Variants in OLFM1 observed in about 807,000 individuals in gnomAD.
The protein encoded by OLFM1 is olfactomedin 1, also known as noelin.
Under a neutral mutation model 49.7 loss-of-function variants are expected in OLFM1, and 9 were observed. That is an observed-to-expected ratio of 0.18 (90% CI 0.11 to 0.32). The LOEUF is 0.32. OLFM1 is among the 10% of genes least tolerant of loss of function. OLFM1 has a pLI of 1.00. For missense variants in OLFM1, 369 were observed against 661.8 expected, an observed-to-expected ratio of 0.56 and a Z score of 4.85; for synonymous variants, 240 against 271.8, an observed-to-expected ratio of 0.88 and a Z score of 1.15.
At chr9:135,102,762 C>T (rs1373990992) in intron 4 of OLFM1, among the ~76,000 whole-genome samples, 3 of 152,206 alleles carry the variant, frequency 2.0e-5, no homozygotes, top group Non-Finnish European at 4.4e-5. Flanking sequence ...GAGGTAAAAG[C>T]TGTGACCAAG....
chr9:135,115,281 AT>A (rs1831082127), intron 5 of OLFM1, among the ~76,000 whole-genome samples: 1 of 152,154 alleles, frequency 6.6e-6, no homozygotes, highest in Non-Finnish European at 1.5e-5. Flanking sequence ...CCACGTCCAC[AT>A]CCAGGTTGCA....
intron 2 of OLFM1, among the ~76,000 whole-genome samples, chr9:135,095,530 A>G (rs72760805): frequency 1.7e-4 from 23 of 137,280 alleles, no homozygotes; most frequent in East Asian, 8.3e-4. Flanking sequence ...AAAAAAAAAA[A>G]AGAGAGAGAG....
intron 2 of OLFM1, among the ~76,000 whole-genome samples, chr9:135,092,086 C>T (rs1293364949): frequency 3.9e-5 from 6 of 152,212 alleles, no homozygotes; most frequent in African/African-American, 1.4e-4. Context: ...ATGGTGCTGT[C>T]ACTGCCCACC....
chr9:135,087,600 G>T (rs1198834957), upstream of OLFM1: 2 of 836,352 alleles, frequency 2.4e-6, no homozygotes, highest in Non-Finnish European at 3.3e-6. Context: ...TGGGCGGATT[G>T]CGTCGGTCCC....
At position 135,119,882 on chromosome 9, in the gene OLFM1, C is replaced by A. The variant is rs780297390; in HGVS notation, c.1162C>A (p.Gln388Lys). The change falls in exon 6 of 6, where the codon CAG (glutamine) becomes AAG (lysine). Residue 388 changes from glutamine to lysine, a missense_variant. Coordinates refer to ENST00000371793, the MANE Select transcript of OLFM1 (RefSeq NM_001282611.2). Reference sequence around the variant, plus strand: ...CAGTAGGCTGGACCCCGTGTCCCTGCAGACCCTGCAGACCTGGAACACGAG... The same window carrying A: ...CAGTAGGCTGGACCCCGTGTCCCTGAAGACCCTGCAGACCTGGAACACGAG... ...VVSRLDPVSL[Q>K]TLQTWNTSYP... 1.2e-6 allele frequency: 2 copies of A among 1,613,438 alleles called. No individual in the cohort carries two copies. Among genetic ancestry groups the A allele is most frequent in the African/African-American group, 1.3e-5 (1 of 74,926 alleles).
chr9:135,104,750 G>A (rs12004170), intron 4 of OLFM1, among the ~76,000 whole-genome samples: 2,200 of 152,248 alleles, frequency 0.014, 50 homozygotes, highest in African/African-American at 0.05. Context: ...TGTCTCCCCC[G>A]AAGCCCAGGG....
intron 5 of OLFM1, among the ~76,000 whole-genome samples, chr9:135,108,117 G>A (rs1250040588): frequency 1.3e-5 from 2 of 152,170 alleles, no homozygotes; most frequent in African/African-American, 4.8e-5. Flanking sequence ...ATTGGTGTTG[G>A]GTGTTTGTCA....
In OLFM1 at chr9:135,082,080, TTAG is replaced by T. The variant is rs1279600811; in HGVS notation, c.96+6279_96+6281del. Among the ~76,000 whole-genome samples, 4 of 152,242 alleles carry T rather than the reference TTAG, an allele frequency of 2.6e-5. No individual in the cohort carries two copies. The East Asian group carries it at 7.7e-4, about 29-fold the overall frequency. Reference sequence around the variant, plus strand: ...CCAGCTGGTGATGGCAGCTGCAGTGTTAGCAGACCTGCTCGCCCCAAAAGGACA... The same window carrying T: ...CCAGCTGGTGATGGCAGCTGCAGTGTCAGACCTGCTCGCCCCAAAAGGACA... On this transcript the variant is annotated intron_variant, in intron 1 of 5. Transcript: ENST00000252854.
chr9:135,075,899 C>T, intron 1 of OLFM1: 1 of 1,426,604 alleles, frequency 7.0e-7, no homozygotes, highest in Non-Finnish European at 9.2e-7. Context: ...CTCCGCGCCG[C>T]CCCGCGCCCC....
upstream of OLFM1, chr9:135,086,450 C>A: frequency 2.7e-6 from 1 of 370,024 alleles, no homozygotes; most frequent in African/African-American, 2.1e-5. Context: ...AGGCGTTGTT[C>A]CTCTCAGGCG....
intron 1 of OLFM1, chr9:135,075,903 G>T: frequency 7.1e-7 from 1 of 1,418,058 alleles, no homozygotes; most frequent in Non-Finnish European, 9.3e-7. Flanking sequence ...GCGCCGCCCC[G>T]CGCCCCCGGC....
Position 135,088,023 on chromosome 9 carries a change from C to G in OLFM1, c.34C>G (p.Leu12Val). Residue 12 changes from leucine to valine, a missense_variant, in exon 1 of 6, where the codon CTG becomes GTG. Physicochemically the swap from Leu to Val is conservative, Grantham distance 32. Transcript: ENST00000371793. The surrounding 1 kb of genome is among the most constrained non-coding windows in gnomAD (Gnocchi z 4.8). ...SVPLLKIGVVLSTMAMITNWM... is the reference protein window; with the variant it reads ...SVPLLKIGVVVSTMAMITNWM... ...GCCGCTGCTCAAGATCGGGGTCGTG[C>G]TGAGCACCATGGCCATGATCACTAA... The G allele has an allele frequency of 6.9e-7, 1 of 1,459,816 alleles. No individual in the cohort carries two copies. The highest frequency in any genetic ancestry group is 9.1e-7 in the Non-Finnish European group (1 of 1,096,846). 90.4% of individuals were successfully genotyped at this position (1,459,816 alleles called of 1,614,324 possible).
At position 135,098,020 on chromosome 9, in the gene OLFM1, G is replaced by T; in HGVS notation, c.457-266G>T. The T allele has an allele frequency of 7.7e-7, 1 of 1,293,660 alleles. No individual in the cohort carries two copies. 80.1% of individuals were successfully genotyped at this position (1,293,660 alleles called of 1,614,324 possible). A position where few individuals can be genotyped will look rare whatever the true frequency, so the allele number is the denominator to read the frequency against. On this transcript the variant is annotated intron_variant, in intron 3 of 5. Coordinates refer to ENST00000371793, the MANE Select transcript of OLFM1 (RefSeq NM_001282611.2). This position sits in a 1 kb window ranked among gnomAD's most constrained non-coding sequence, Gnocchi z 5.6. ...GTCAATGCATTTTTTGAAAAAGAAA[G>T]AAAAAAAAAACTTCGTGTATGTGAC... is the stretch of plus-strand genomic sequence containing the variant.
chr9:135,098,258 A>G lies in OLFM1; in HGVS notation c.457-28A>G. The G allele has an allele frequency of 6.2e-7, 1 of 1,610,432 alleles. No individual in the cohort carries two copies. The highest frequency in any genetic ancestry group is 1.1e-5 in the South Asian group (1 of 90,980). On this transcript the variant is annotated intron_variant, in intron 3 of 5. Transcript: ENST00000371793. The surrounding 1 kb of genome is among the most constrained non-coding windows in gnomAD (Gnocchi z 5.6). ...GTGTGAGAGTTCTTGCATGCATCGCACTGAACCAGCTTATTTTAACCTTGC... is the reference window on the plus strand; with the variant it reads ...GTGTGAGAGTTCTTGCATGCATCGCGCTGAACCAGCTTATTTTAACCTTGC...
At chr9:135,086,902 C>T (rs1190539992), upstream of OLFM1, among the ~76,000 whole-genome samples, 1 of 152,060 alleles carries the variant, frequency 6.6e-6, no homozygotes, top group East Asian at 1.9e-4. Flanking sequence ...ACCTCCCCAA[C>T]ACCAGGTTCA....
intron 5 of OLFM1, among the ~76,000 whole-genome samples, chr9:135,119,219 TGTCTTTGGAGTACTCACTGG>T (rs1831149705): frequency 1.6e-5 from 2 of 123,144 alleles, no homozygotes; most frequent in South Asian, 2.5e-4. Context: ...GTGCTCGCTG[TGTCTTTGGAGTACTCACTGG>T]GTCTTTGGAG....
rs575448043 is a variant in OLFM1 at position 135,120,689 on chromosome 9, T to C, written c.*511T>C. The C allele has an allele frequency of 5.9e-6, 1 of 168,866 alleles. No homozygotes were observed. The highest frequency in any genetic ancestry group is 1.8e-4 in the East Asian group (1 of 5,670). 10.5% of individuals were successfully genotyped at this position (168,866 alleles called of 1,614,324 possible). A position where few individuals can be genotyped will look rare whatever the true frequency, so the allele number is the denominator to read the frequency against. ...AGATTAACCGTGCTGAGGCTCCACATAGCTCCTGGACCTGTGTCTAGTACA... is the reference window on the plus strand; with the variant it reads ...AGATTAACCGTGCTGAGGCTCCACACAGCTCCTGGACCTGTGTCTAGTACA... On this transcript the variant is annotated 3_prime_UTR_variant, in exon 6 of 6. Coordinates refer to ENST00000371793, the MANE Select transcript of OLFM1 (RefSeq NM_001282611.2).
intron 1 of OLFM1, chr9:135,077,079 C>G: frequency 6.5e-7 from 1 of 1,550,190 alleles, no homozygotes; most frequent in Non-Finnish European, 8.7e-7. Context: ...GAGAGGTTTT[C>G]TTGGCCCCAG....
At chr9:135,115,045 A>G (rs1432438847) in intron 5 of OLFM1, among the ~76,000 whole-genome samples, 2 of 152,158 alleles carry the variant, frequency 1.3e-5, no homozygotes, top group Non-Finnish European at 2.9e-5. Flanking sequence ...CGTCTGCCCT[A>G]TTTGGGACAA....
Sources: gnomAD v4.1 joint callset for allele counts (sites outside exome capture counted in the v4.1 genomes callset) on GRCh38, gnomAD v4.1.1 for gene constraint, Gnocchi (gnomAD v3.1) non-coding constraint, MANE v1.5 for transcripts, NCBI Gene and HGNC (gene_info 2026-07-23, HGNC 2026-07-21) for gene names.